Variants in DIO2 observed in about 807,000 individuals in gnomAD.
DIO2 encodes the protein type II iodothyronine deiodinase.
DIO2 carries 19 observed loss-of-function variants against 21.4 expected under a neutral mutation model. The observed-to-expected ratio is 0.89, with a 90% CI of 0.62 to 1.30. DIO2 has a LOEUF of 1.30. DIO2 is among the 50% of genes most tolerant of loss of function. The pLI is 0.00. For missense variants in DIO2, 302 were observed against 338.1 expected, an observed-to-expected ratio of 0.89 and a Z score of 0.84; for synonymous variants, 122 against 132.9, an observed-to-expected ratio of 0.92 and a Z score of 0.57.
At chr14:80,205,441 T>C (rs935783292) in intron 1 of DIO2, among the ~76,000 whole-genome samples, 2 of 152,194 alleles carry the variant, frequency 1.3e-5, no homozygotes. Context: ...ATCTGCATTT[T>C]GGAATCATTT....
intron 1 of DIO2, among the ~76,000 whole-genome samples, chr14:80,210,798 G>T (rs1888149275): frequency 6.6e-6 from 1 of 152,120 alleles, no homozygotes; most frequent in African/African-American, 2.4e-5. Flanking sequence ...AGAGTTCTGA[G>T]TAGCATTTCT....
At position 80,211,252 on chromosome 14, in the gene DIO2, T is replaced by A. The variant is rs762655591; in HGVS notation, c.221A>T (p.Gln74Leu). 1 of 1,608,770 alleles carries A rather than the reference T, an allele frequency of 6.2e-7. No individual in the cohort carries two copies. The highest frequency in any genetic ancestry group is 1.7e-5 in the Admixed American group (1 of 60,002). The change falls in exon 1 of 2, where the codon CAG becomes CTG. Residue 74 changes from glutamine (Q) to leucine (L), a missense_variant and splice_region_variant. By Grantham distance (113) the Gln-to-Leu change is moderately radical. Coordinates refer to ENST00000438257, the MANE Select transcript of DIO2 (RefSeq NM_013989.5). Reference protein sequence around the residue: ...WKSFLLDAYKQVKLGEDAPNS... With the variant: ...WKSFLLDAYKLVKLGEDAPNS... ...GAAGCCCTTCTCAGCTCAGCTCACC[T>A]GTTTGTAGGCATCGAGGAGGAAGCT...
At position 80,204,929 on chromosome 14, in the gene DIO2, T is replaced by C. The variant is rs143415177; in HGVS notation, c.223-1641A>G. Among the ~76,000 whole-genome samples the C allele has an allele frequency of 7.7e-3, 1,176 of 152,342 alleles. 7 individuals carry two copies. The highest frequency in any genetic ancestry group is 0.012 in the Non-Finnish European group (796 of 68,016). On this transcript the variant is annotated intron_variant, in intron 1 of 1. Transcript: ENST00000438257. ...TGTTCTAAGAGAAATCTTACTGTAA[T>C]AATCTTCCTTCTCAGAAAGGAAGCT...
Position 80,202,453 on chromosome 14 carries a change from G to C in DIO2, c.*236C>G. 1.4e-6 allele frequency: 1 copy of C among 736,490 alleles called. No individual in the cohort carries two copies. The highest frequency in any genetic ancestry group is 2.5e-6 in the Non-Finnish European group (1 of 402,038). 45.6% of individuals were successfully genotyped at this position (736,490 alleles called of 1,614,324 possible). A position where few individuals can be genotyped will look rare whatever the true frequency, so the allele number is the denominator to read the frequency against. ...TAGCGTTTCTTCCTCTCCATCTTGG[G>C]ATCTTTTCACATAGGGCTTTTTACT... On this transcript the variant is annotated 3_prime_UTR_variant, in exon 2 of 2. Coordinates refer to ENST00000438257, the MANE Select transcript of DIO2 (RefSeq NM_013989.5).
rs369293653 is a variant in DIO2, at chr14:80,228,748, GGGACCCACT to G, written c.-277-12020_-277-12012del. 4.2e-3 allele frequency among the ~76,000 whole-genome samples: 641 copies of G among 152,176 alleles called. 5 individuals are homozygous for G. Among genetic ancestry groups the G allele is most frequent in the Non-Finnish European group, 6.7e-3 (459 of 68,012 alleles). The stretch of plus-strand genomic sequence containing the variant: ...GGGAAATGACCACAGGATGAGTCTG[GGGACCCACT>G]GGACCCACTATACGTTGGACCTGAG... On this transcript the variant is annotated intron_variant, in intron 2 of 4. Transcript: ENST00000553594.
In DIO2 at chr14:80,200,933, C is replaced by T. The variant is rs531326069; in HGVS notation, c.*1756G>A. On this transcript the variant is annotated 3_prime_UTR_variant, in exon 2 of 2. Coordinates refer to ENST00000438257, the MANE Select transcript of DIO2 (RefSeq NM_013989.5). ...ATTTTCAACTTTAGTTTTTTTCTAT[C>T]CATTTTATTTATTTTTTATTCAGTT... is the stretch of plus-strand genomic sequence containing the variant. The T allele has an allele frequency of 6.6e-6, 1 of 151,988 alleles. No homozygotes were observed. The highest frequency in any genetic ancestry group is 1.9e-4 in the East Asian group (1 of 5,190). The allele number at this position is 151,988 out of a possible 1,614,324, so 9.4% of individuals were successfully genotyped here.
chr14:80,224,276 G>C (rs1042242206), intron 2 of DIO2, among the ~76,000 whole-genome samples: 1 of 152,086 alleles, frequency 6.6e-6, no homozygotes, highest in Non-Finnish European at 1.5e-5. Flanking sequence ...CAACTAGTTT[G>C]TTTCGCAATT....
In DIO2 at chr14:80,211,475, T is replaced by C; in HGVS notation, c.-3A>G. The C allele has an allele frequency of 1.3e-6, 2 of 1,584,520 alleles. No individual in the cohort carries two copies. The highest frequency in any genetic ancestry group is 2.3e-5 in the East Asian group (1 of 42,698). The stretch of plus-strand genomic sequence containing the variant: ...AAGTCTACGCTGAGGATGCCCATCT[T>C]CTCTGCCTCCTGAGTCAGTTCCCTT... On this transcript the variant is annotated 5_prime_UTR_variant, in exon 1 of 2. Transcript: ENST00000438257.
intron 2 of DIO2, among the ~76,000 whole-genome samples, chr14:80,223,061 T>C (rs1385928950): frequency 6.6e-6 from 1 of 152,070 alleles, no homozygotes; most frequent in Non-Finnish European, 1.5e-5. Flanking sequence ...GGGGTCTTGC[T>C]GGTCTCAAAC....
intron 2 of DIO2, among the ~76,000 whole-genome samples, chr14:80,218,139 C>T (rs1888393466): frequency 2.0e-5 from 3 of 151,764 alleles, no homozygotes; most frequent in Non-Finnish European, 4.4e-5. Context: ...TTTTTCAGAC[C>T]TGCCTAAGTC....
rs1888177472 is a variant in DIO2, at chr14:80,211,286, C to T, written c.187G>A (p.Val63Ile). The T allele has an allele frequency of 3.1e-6, 5 of 1,612,738 alleles. No individual in the cohort carries two copies. Among genetic ancestry groups the T allele is most frequent in the Non-Finnish European group, 4.2e-6 (5 of 1,179,844 alleles). ...RMLTSEGLRC[V>I]WKSFLLDAYK... ...GCATCGAGGAGGAAGCTCTTCCAGA[C>T]GCAGCGCAGTCCCTCTGAGGTCAGC... The change falls in exon 1 of 2, where the codon GTC becomes ATC. Residue 63 changes from valine (V) to isoleucine (I), a missense_variant. Val to Ile is a conservative substitution (Grantham distance 29). Coordinates refer to ENST00000438257, the MANE Select transcript of DIO2 (RefSeq NM_013989.5).
chr14:80,225,397 A>G (rs1309737441), intron 2 of DIO2, among the ~76,000 whole-genome samples: 2 of 152,248 alleles, frequency 1.3e-5, no homozygotes, highest in African/African-American at 4.8e-5. Context: ...ACCAAATACT[A>G]TTACATGAAG....
chr14:80,215,130 T>C (rs556966300), upstream of DIO2, among the ~76,000 whole-genome samples: 1 of 152,318 alleles, frequency 6.6e-6, no homozygotes, highest in African/African-American at 2.4e-5. Context: ...AATCAACATG[T>C]AATGAGTTAA....
At chr14:80,209,932 G>T (rs566939045) in intron 1 of DIO2, among the ~76,000 whole-genome samples, 1 of 152,012 alleles carries the variant, frequency 6.6e-6, no homozygotes. Flanking sequence ...TTTTCTTGGC[G>T]CATGGTTTTA....
In DIO2 at chr14:80,211,457, C is replaced by T. The variant is rs756525368; in HGVS notation, c.16G>A (p.Val6Ile). The T allele has an allele frequency of 1.9e-6, 3 of 1,609,396 alleles. No homozygotes were observed. The highest frequency in any genetic ancestry group is 2.5e-6 in the Non-Finnish European group (3 of 1,178,138). The stretch of plus-strand genomic sequence containing the variant: ...ATTTGCAGTGTGATCAGCAAGTCTA[C>T]GCTGAGGATGCCCATCTTCTCTGCC... The part of the protein sequence containing the change: MGILS[V>I]DLLITLQILP... The change falls in exon 1 of 2, where the codon GTA (valine) becomes ATA (isoleucine). Residue 6 changes from valine to isoleucine, a missense_variant. Val to Ile is a conservative substitution (Grantham distance 29). Transcript: ENST00000438257.
chr14:80,216,228 A>C (rs1337953601), upstream of DIO2: 1 of 152,310 alleles, frequency 6.6e-6, no homozygotes, highest in African/African-American at 2.4e-5. Context: ...AAAAAGGGAG[A>C]TAAAGATGGT....
rs139992932 is a variant in DIO2 at position 80,226,228 on chromosome 14, G to T, written c.-277-9491C>A. ...TTGTCACCTAGTTGGTATCGTAATTGTGACTTCAAAAGGCCGTTCCACCAT... is the reference window on the plus strand; with the variant it reads ...TTGTCACCTAGTTGGTATCGTAATTTTGACTTCAAAAGGCCGTTCCACCAT... On this transcript the variant is annotated intron_variant, in intron 2 of 4. Transcript: ENST00000553594. Among the ~76,000 whole-genome samples the T allele has an allele frequency of 1.7e-3, 259 of 152,252 alleles. 2 individuals are homozygous for T. Among genetic ancestry groups the T allele is most frequent in the East Asian group, 9.3e-3 (48 of 5,176 alleles).
In DIO2 at chr14:80,206,240, A is replaced by G. The variant is rs753041722; in HGVS notation, c.223-2952T>C. On this transcript the variant is annotated intron_variant, in intron 1 of 1. Coordinates refer to ENST00000438257, the MANE Select transcript of DIO2 (RefSeq NM_013989.5). Reference sequence around the variant, plus strand: ...AAAAACACACACCCACCATCCATAAATCCAAATGTGAGTAGACCAGTAGTC... The same window carrying G: ...AAAAACACACACCCACCATCCATAAGTCCAAATGTGAGTAGACCAGTAGTC... 3.9e-6 allele frequency: 6 copies of G among 1,550,622 alleles called. No homozygotes were observed. In the South Asian group the frequency reaches 7.6e-5, roughly 20 times the overall value.
At chr14:80,221,742 A>G (rs1888470034) in intron 2 of DIO2, among the ~76,000 whole-genome samples, 1 of 152,084 alleles carries the variant, frequency 6.6e-6, no homozygotes, top group South Asian at 2.1e-4. Flanking sequence ...ATGAAACTTC[A>G]TTCATACAAA....
Sources: gnomAD v4.1 joint callset for allele counts (sites outside exome capture counted in the v4.1 genomes callset) on GRCh38, gnomAD v4.1.1 for gene constraint, MANE v1.5 for transcripts, NCBI Gene and HGNC (gene_info 2026-07-23, HGNC 2026-07-21) for gene names.